The following TMEM132D variants were observed in gnomAD, a reference collection of about 807,000 sequenced individuals.
TMEM132D encodes the protein transmembrane protein 132D, also known as mature OL transmembrane protein.
A neutral mutation model predicts 62.3 loss-of-function variants in TMEM132D; 21 were observed. The ratio of observed to expected loss-of-function variants is 0.34; its 90% CI spans 0.24 to 0.49. The LOEUF (loss-of-function observed/expected upper bound fraction) is 0.49, where lower values mean the gene tolerates loss of function less well. Among genes scored for constraint, TMEM132D ranks in the 20% least tolerant of loss-of-function variants. The pLI is 0.99. For missense variants in TMEM132D, 1,346 were observed against 1,402.8 expected, an observed-to-expected ratio of 0.96 and a Z score of 0.65; for synonymous variants, 621 against 575.6, an observed-to-expected ratio of 1.08 and a Z score of -1.13.
At chr12:129,698,016 C>A (rs1039033670) in intron 2 of TMEM132D, among the ~76,000 whole-genome samples, 1 of 152,094 alleles carries the variant, frequency 6.6e-6, no homozygotes, top group Non-Finnish European at 1.5e-5. Flanking sequence ...CAGTCGTTGG[C>A]GGACCTAAAA....
intron 3 of TMEM132D, among the ~76,000 whole-genome samples, chr12:129,473,499 T>C (rs1207290534): frequency 1.3e-5 from 2 of 151,672 alleles, no homozygotes; most frequent in African/African-American, 4.8e-5. Flanking sequence ...CTGGCTAATT[T>C]TTTGTATTTT....
intron 3 of TMEM132D, among the ~76,000 whole-genome samples, chr12:129,488,019 C>T (rs934533929): frequency 1.3e-5 from 2 of 151,692 alleles, no homozygotes; most frequent in Admixed American, 6.6e-5. Flanking sequence ...GAGAAACGGC[C>T]CCTTGTTGGC....
At chr12:129,587,467 T>C (rs1878061633) in intron 2 of TMEM132D, among the ~76,000 whole-genome samples, 1 of 152,076 alleles carries the variant, frequency 6.6e-6, no homozygotes, top group African/African-American at 2.4e-5. Context: ...GGTGATGAAC[T>C]AATTCGTACA....
At chr12:129,239,112 T>C (rs1879865858) in intron 4 of TMEM132D, among the ~76,000 whole-genome samples, 1 of 152,114 alleles carries the variant, frequency 6.6e-6, no homozygotes, top group Non-Finnish European at 1.5e-5. Context: ...TTCACGTGCT[T>C]GTTATTACCC....
chr12:129,291,110 C>T (rs1042958222), intron 4 of TMEM132D, among the ~76,000 whole-genome samples: 1 of 152,188 alleles, frequency 6.6e-6, no homozygotes, highest in Non-Finnish European at 1.5e-5. Flanking sequence ...GGTATCTGGA[C>T]TAAATCCTCT....
chr12:129,203,426 G>C (rs1442725662), intron 5 of TMEM132D, among the ~76,000 whole-genome samples: 1 of 152,214 alleles, frequency 6.6e-6, no homozygotes, highest in Admixed American at 6.5e-5. Flanking sequence ...ATGCTTGCTA[G>C]AGCTTCTGGT....
At chr12:129,464,353 T>C (rs1421327027) in intron 3 of TMEM132D, among the ~76,000 whole-genome samples, 2 of 152,210 alleles carry the variant, frequency 1.3e-5, no homozygotes, top group Admixed American at 1.3e-4. Context: ...TTAAGTTCAT[T>C]GTAGATTCTG....
chr12:129,088,101 GGGGTGTCCTCCCTGACC>G (rs1874710982), intron 5 of TMEM132D, among the ~76,000 whole-genome samples: 1 of 53,330 alleles, frequency 1.9e-5, no homozygotes, highest in Non-Finnish European at 3.2e-5. Context: ...CTCCCTGACC[GGGGTGTCCTCCCTGACC>G]GGGTGTCCTC....
chr12:129,689,893 T>C (rs879295240), intron 2 of TMEM132D, among the ~76,000 whole-genome samples: 1 of 152,202 alleles, frequency 6.6e-6, no homozygotes, highest in Admixed American at 6.5e-5. Context: ...GCACTACATT[T>C]TCTTAGACTC....
chr12:129,194,904 T>C (rs1425812008), intron 5 of TMEM132D, among the ~76,000 whole-genome samples: 1 of 152,216 alleles, frequency 6.6e-6, no homozygotes, highest in Non-Finnish European at 1.5e-5. Flanking sequence ...GCCCTCTCTG[T>C]CCTCATCCAC....
At chr12:129,695,022 T>C (rs192866409) in intron 2 of TMEM132D, among the ~76,000 whole-genome samples, 4 of 152,052 alleles carry the variant, frequency 2.6e-5, no homozygotes, top group African/African-American at 9.7e-5. Flanking sequence ...AAATAAAAAA[T>C]AAATAAATAA....
chr12:129,882,817 T>C (rs751181788), intron 1 of TMEM132D, among the ~76,000 whole-genome samples: 11 of 152,204 alleles, frequency 7.2e-5, no homozygotes, highest in Non-Finnish European at 1.2e-4. Context: ...TCTGGCAAGG[T>C]TCAATGCCTG....
chr12:129,610,468 T>G (rs1258311383), intron 2 of TMEM132D, among the ~76,000 whole-genome samples: 1 of 152,200 alleles, frequency 6.6e-6, no homozygotes, highest in African/African-American at 2.4e-5. Context: ...GGAGCTTCAC[T>G]TCTACTTTCA....
At chr12:129,266,740 C>T (rs1473375837) in intron 4 of TMEM132D, among the ~76,000 whole-genome samples, 1 of 151,972 alleles carries the variant, frequency 6.6e-6, no homozygotes, top group Admixed American at 6.6e-5. Context: ...GAGTTCTTAT[C>T]AGCCAACCTC....
In TMEM132D at chr12:129,277,201, T is replaced by C. The variant is rs1881027162; in HGVS notation, c.1299+60433A>G. ...TATGGAAACAAGCCTGGCTTTTTCC[T>C]TTTCTTTTATTTTTTCTCACTAAAG... On this transcript the variant is annotated intron_variant, in intron 4 of 8. Coordinates refer to ENST00000422113, the MANE Select transcript of TMEM132D (RefSeq NM_133448.3). The surrounding 1 kb of genome is among the most constrained non-coding windows in gnomAD (Gnocchi z 4.2). Among the ~76,000 whole-genome samples, 1 of 152,138 alleles carries C rather than the reference T, an allele frequency of 6.6e-6. No homozygotes were observed. The highest frequency in any genetic ancestry group is 1.5e-5 in the Non-Finnish European group (1 of 68,034).
chr12:129,717,699 A>G (rs1196182493), intron 1 of TMEM132D, among the ~76,000 whole-genome samples: 3 of 150,614 alleles, frequency 2.0e-5, no homozygotes, highest in Non-Finnish European at 4.4e-5. Context: ...TTAAATTAAA[A>G]TAATAAAATA....
chr12:129,679,898 T>G (rs1880736647), intron 2 of TMEM132D, among the ~76,000 whole-genome samples: 1 of 152,200 alleles, frequency 6.6e-6, no homozygotes, highest in Non-Finnish European at 1.5e-5. Context: ...AATATATTTA[T>G]ATAAATGGGC....
chr12:129,524,469 C>T (rs916268511), intron 3 of TMEM132D, among the ~76,000 whole-genome samples: 3 of 152,090 alleles, frequency 2.0e-5, no homozygotes, highest in East Asian at 1.9e-4. Flanking sequence ...CAATGGCATC[C>T]CTCATAATTG....
chr12:129,519,844 G>A (rs1364918446), intron 3 of TMEM132D, among the ~76,000 whole-genome samples: 1 of 151,952 alleles, frequency 6.6e-6, no homozygotes, highest in African/African-American at 2.4e-5. Flanking sequence ...CCTGACCTCA[G>A]GTGATCCGCC....
Sources: gnomAD v4.1 joint callset for allele counts (sites outside exome capture counted in the v4.1 genomes callset) on GRCh38, gnomAD v4.1.1 for gene constraint, Gnocchi (gnomAD v3.1) non-coding constraint, MANE v1.5 for transcripts, NCBI Gene and HGNC (gene_info 2026-07-23, HGNC 2026-07-21) for gene names.